Variants in ADGRV1 observed in about 807,000 individuals in gnomAD.
The protein encoded by ADGRV1 is adhesion G protein-coupled receptor V1.
In ADGRV1, 359 loss-of-function variants were observed where a neutral mutation model predicts 596.2. That is an observed-to-expected ratio of 0.60 (90% CI 0.55 to 0.66). The LOEUF is 0.66. Among genes scored for constraint, ADGRV1 ranks in the 30% least tolerant of loss-of-function variants. The pLI is 0.00. For missense variants in ADGRV1, 7,274 were observed against 7,575.6 expected, an observed-to-expected ratio of 0.96 and a Z score of 1.48; for synonymous variants, 2,681 against 2,679.2, an observed-to-expected ratio of 1.00 and a Z score of -0.02.
intron 85 of ADGRV1, among the ~76,000 whole-genome samples, chr5:91,058,684 C>T (rs141004890): frequency 5.1e-4 from 77 of 152,174 alleles, no homozygotes; most frequent in Middle Eastern, 6.8e-3. Flanking sequence ...TTTTGAATGA[C>T]CCATCATTAC....
chr5:90,780,282 G>C (rs1037094753), intron 64 of ADGRV1, among the ~76,000 whole-genome samples: 5 of 152,112 alleles, frequency 3.3e-5, no homozygotes, highest in Non-Finnish European at 7.4e-5. Flanking sequence ...CAAAAGGTAA[G>C]TAGTACAATT....
chr5:90,571,646 T>G (rs1414001863), intron 1 of ADGRV1, among the ~76,000 whole-genome samples: 1 of 152,162 alleles, frequency 6.6e-6, no homozygotes, highest in Non-Finnish European at 1.5e-5. Flanking sequence ...ATAAAGATAC[T>G]GTGGTGAGTG....
intron 25 of ADGRV1, among the ~76,000 whole-genome samples, chr5:90,678,650 C>T (rs1744556129): frequency 6.8e-6 from 1 of 146,946 alleles, no homozygotes; most frequent in Non-Finnish European, 1.5e-5. Flanking sequence ...TAGTGGAAGG[C>T]TCCACATGGT....
chr5:90,956,036 A>G (rs1777449208), intron 83 of ADGRV1, among the ~76,000 whole-genome samples: 2 of 152,170 alleles, frequency 1.3e-5, no homozygotes, highest in Admixed American at 6.5e-5. Flanking sequence ...TTTATATAGA[A>G]TTTTATTAGT....
chr5:90,783,592 T>C (rs1398085743), intron 66 of ADGRV1, among the ~76,000 whole-genome samples: 1 of 152,228 alleles, frequency 6.6e-6, no homozygotes, highest in Non-Finnish European at 1.5e-5. Context: ...AAACATTCTT[T>C]AATTCACTTT....
At chr5:90,928,586 C>T (rs377402439) in intron 83 of ADGRV1, among the ~76,000 whole-genome samples, 2 of 149,770 alleles carry the variant, frequency 1.3e-5, no homozygotes, top group African/African-American at 2.5e-5. Context: ...AATGTCCTCC[C>T]GTAGCTCAGA....
At position 90,745,678 on chromosome 5, in the gene ADGRV1, A is replaced by G. The variant is rs575269452; in HGVS notation, c.10857A>G (p.Glu3619=). The change falls in exon 52 of 90, where the codon GAA becomes GAG. Residue 3619 remains glutamate, a synonymous_variant. Transcript: ENST00000405460. Reference sequence around the variant, plus strand: ...ATGATACAGTTCCAGAAAAAGAAGAATCCTTCAAAGTTCAACTTAAAAATC... The same window carrying G: ...ATGATACAGTTCCAGAAAAAGAAGAGTCCTTCAAAGTTCAACTTAAAAATC... ...ILDDTVPEKE[E]SFKVQLKNPK... is the part of the protein sequence containing the mutation. 6.2e-7 allele frequency: 1 copy of G among 1,612,588 alleles called. No individual in the cohort carries two copies. The highest frequency in any genetic ancestry group is 1.7e-5 in the Admixed American group (1 of 60,016).
intron 31 of ADGRV1, among the ~76,000 whole-genome samples, chr5:90,691,532 A>G (rs375294018): frequency 1.3e-5 from 2 of 151,610 alleles, no homozygotes; most frequent in Admixed American, 6.6e-5. Flanking sequence ...TTACAGGCAC[A>G]TGCCACCATG....
intron 83 of ADGRV1, among the ~76,000 whole-genome samples, chr5:90,915,633 C>T (rs1385947461): frequency 6.6e-6 from 1 of 152,086 alleles, no homozygotes; most frequent in Non-Finnish European, 1.5e-5. Context: ...ACATCAAGTT[C>T]TAAAATTAGC....
At chr5:90,632,160 T>TA (rs1404644669) in intron 9 of ADGRV1, among the ~76,000 whole-genome samples, 1 of 152,184 alleles carries the variant, frequency 6.6e-6, no homozygotes, top group Non-Finnish European at 1.5e-5. Context: ...TTTTTGGTCT[T>TA]ACTGTTCTCC....
chr5:91,012,464 T>C (rs184467852), intron 85 of ADGRV1, among the ~76,000 whole-genome samples: 36 of 152,118 alleles, frequency 2.4e-4, no homozygotes, highest in African/African-American at 8.7e-4. Context: ...CCTTGCTTTA[T>C]TTCCATTATA....
intron 20 of ADGRV1, among the ~76,000 whole-genome samples, chr5:90,656,656 C>G (rs996837010): frequency 2.0e-5 from 3 of 152,114 alleles, no homozygotes; most frequent in African/African-American, 7.2e-5. Flanking sequence ...AGTAACATGC[C>G]AGATACTTGT....
rs1748592627 is a variant in ADGRV1, at chr5:90,706,350, G to C, written c.8686G>C (p.Glu2896Gln). 1.2e-6 allele frequency: 2 copies of C among 1,611,840 alleles called. No homozygotes were observed. Among genetic ancestry groups the C allele is most frequent in the Non-Finnish European group, 1.7e-6 (2 of 1,179,022 alleles). The change falls in exon 38 of 90, where the codon GAA (glutamate) becomes CAA (glutamine). Residue 2896 changes from glutamate (E) to glutamine (Q), a missense_variant. By Grantham distance (29) the Glu-to-Gln change is conservative (BLOSUM62 2). Coordinates refer to ENST00000405460, the MANE Select transcript of ADGRV1 (RefSeq NM_032119.4). ...FVPIIGFLIL[E>Q]EGETAAAINI... is the part of the protein sequence containing the mutation. ...CCCTATCATTGGCTTTCTGATTTTAGAAGAAGGGGAAACAGCAGCAGCCAT... is the reference window on the plus strand; with the variant it reads ...CCCTATCATTGGCTTTCTGATTTTACAAGAAGGGGAAACAGCAGCAGCCAT...
chr5:90,640,890 T>G (rs897278702), intron 11 of ADGRV1: 1 of 152,562 alleles, frequency 6.6e-6, no homozygotes, highest in Admixed American at 6.6e-5. Context: ...AAATAATACC[T>G]TGTTTTTGGT....
chr5:90,862,598 G>A (rs942403055), intron 82 of ADGRV1, among the ~76,000 whole-genome samples: 4 of 151,846 alleles, frequency 2.6e-5, no homozygotes, highest in South Asian at 4.2e-4. Context: ...TTGTGTGGGT[G>A]AATTTTGAAG....
At chr5:90,793,479 G>T (rs576117584) in intron 70 of ADGRV1, among the ~76,000 whole-genome samples, 5 of 152,268 alleles carry the variant, frequency 3.3e-5, no homozygotes, top group Admixed American at 3.3e-4. Flanking sequence ...ATTAGATATT[G>T]TATTGTTTTA....
intron 29 of ADGRV1, among the ~76,000 whole-genome samples, chr5:90,688,824 A>T (rs1746058466): frequency 1.3e-5 from 2 of 152,230 alleles, no homozygotes; most frequent in Non-Finnish European, 2.9e-5. Context: ...TGAGGAATGC[A>T]GGGAAAATGG....
At chr5:90,952,238 T>G (rs1183015107) in intron 83 of ADGRV1, among the ~76,000 whole-genome samples, 3 of 152,216 alleles carry the variant, frequency 2.0e-5, no homozygotes, top group African/African-American at 7.2e-5. Context: ...CTCTGTTTTC[T>G]CTCTGACTTT....
Position 90,789,778 on chromosome 5 carries a change from C to T in ADGRV1, c.13970C>T (p.Pro4657Leu). 1.3e-6 allele frequency: 2 copies of T among 1,548,966 alleles called. No individual in the cohort carries two copies. Among genetic ancestry groups the T allele is most frequent in the Non-Finnish European group, 1.7e-6 (2 of 1,144,344 alleles). The stretch of plus-strand genomic sequence containing the variant: ...TTGTCTAAGAAGACTTATTCAGAGC[C>T]TCTGGCTCTGGAAGGGCCCCTGCTC... Reference protein sequence around the residue: ...ETLSKKTYSEPLALEGPLLIT... With the variant: ...ETLSKKTYSELLALEGPLLIT... Residue 4657 changes from proline to leucine, a missense_variant, in exon 69 of 90, where the codon CCT (proline) becomes CTT (leucine). Around this residue, in one of 5 missense-constraint regions of ADGRV1, gnomAD observed 3,643 missense variants for 3,809.2 expected, o/e 0.96. Transcript: ENST00000405460.
Sources: allele counts gnomAD v4.1 joint callset (sites outside exome capture counted in the v4.1 genomes callset), GRCh38; gene constraint gnomAD v4.1.1; regional missense constraint gnomAD v4.1.1; transcripts MANE v1.5; gene names NCBI Gene and HGNC (gene_info 2026-07-23, HGNC 2026-07-21).